Variants in TTC29 observed in about 807,000 individuals in gnomAD.
The protein encoded by TTC29 is tetratricopeptide repeat protein 29.
A neutral mutation model predicts 58.1 loss-of-function variants in TTC29; 49 were observed. The observed-to-expected ratio is 0.84, with a 90% CI of 0.67 to 1.07. The LOEUF is 1.07. Ranked by LOEUF, TTC29 falls within the 50% of genes least tolerant of loss-of-function variation. TTC29 has a pLI of 0.00. For synonymous variants in TTC29, 209 were observed against 196.8 expected (o/e 1.06, Z -0.52); for missense variants, 582 against 555.6 (o/e 1.05, Z -0.48).
intron 11 of TTC29, among the ~76,000 whole-genome samples, chr4:146,750,136 T>G (rs1349877445): frequency 6.6e-6 from 1 of 151,956 alleles, no homozygotes; most frequent in African/African-American, 2.4e-5. Context: ...GCCTCCTGAG[T>G]AGCTGGGACT....
chr4:146,921,976 T>A (rs1457304486), intron 4 of TTC29, among the ~76,000 whole-genome samples: 1 of 132,266 alleles, frequency 7.6e-6, no homozygotes, highest in Non-Finnish European at 1.6e-5. Context: ...TTACTAAGCA[T>A]GAGTAAAGAT....
rs1162258179 is a variant in TTC29 at position 146,833,835 on chromosome 4, G to A, written c.948C>T (p.Gly316=). Residue 316 remains glycine (G), a synonymous_variant, in exon 9 of 13, where the codon GGC becomes GGT. Transcript: ENST00000325106. ...DLDDDLSLGR[G]YEAIAKVLQS... is the part of the protein sequence containing the mutation. ...GCAGGACCTTGGCTATGGCTTCATA[G>A]CCTCTCCCCAGACTGAGATCATCAT... The A allele has an allele frequency of 6.2e-7, 1 of 1,613,148 alleles. No homozygotes were observed. Among genetic ancestry groups the A allele is most frequent in the African/African-American group, 1.3e-5 (1 of 74,896 alleles).
intron 7 of TTC29, among the ~76,000 whole-genome samples, chr4:146,868,738 C>T (rs1730729333): frequency 6.6e-6 from 1 of 151,994 alleles, no homozygotes; most frequent in African/African-American, 2.4e-5. Flanking sequence ...AGTGATCTAA[C>T]CTTAGTTTTT....
At chr4:146,745,880 A>G (rs1260622352) in intron 11 of TTC29, among the ~76,000 whole-genome samples, 1 of 152,238 alleles carries the variant, frequency 6.6e-6, no homozygotes, top group Non-Finnish European at 1.5e-5. Flanking sequence ...TGCTTTTAGT[A>G]CTGGCCTCTA....
At chr4:146,723,291 A>C (rs1743511835) in intron 11 of TTC29, among the ~76,000 whole-genome samples, 1 of 152,140 alleles carries the variant, frequency 6.6e-6, no homozygotes, top group Admixed American at 6.6e-5. Context: ...TAAGAATCCT[A>C]GAAGAAAACA....
chr4:146,867,139 A>G (rs1470960437), intron 8 of TTC29, among the ~76,000 whole-genome samples: 2 of 152,154 alleles, frequency 1.3e-5, no homozygotes, highest in African/African-American at 2.4e-5. Context: ...CCCAAATCAT[A>G]TTATAAAATG....
chr4:146,716,615 TGAG>T (rs1742947422), intron 11 of TTC29, among the ~76,000 whole-genome samples: 1 of 152,070 alleles, frequency 6.6e-6, no homozygotes, highest in East Asian at 1.9e-4. Context: ...TCGTAAAAAT[TGAG>T]TTTTCTAATG....
intron 11 of TTC29, among the ~76,000 whole-genome samples, chr4:146,746,040 T>C (rs1745519136): frequency 6.6e-6 from 1 of 152,198 alleles, no homozygotes; most frequent in Non-Finnish European, 1.5e-5. Context: ...GTTTACTCTG[T>C]CTAAACTCCC....
chr4:146,751,679 AC>A (rs1296730922), intron 11 of TTC29, among the ~76,000 whole-genome samples: 1 of 152,188 alleles, frequency 6.6e-6, no homozygotes, highest in Non-Finnish European at 1.5e-5. Flanking sequence ...GGATACCAAA[AC>A]GTATAGGATA....
rs6814060 is a variant in TTC29 at position 146,847,851 on chromosome 4, G to A, written c.886-13954C>T. ...TTTATCACGCAGCGTGTCTTCACTC[G>A]CATACCTGCTGTCAAACTGTGCAGC... is the stretch of plus-strand genomic sequence containing the variant. On this transcript the variant is annotated intron_variant, in intron 8 of 12. Transcript: ENST00000325106. 3.3e-3 allele frequency among the ~76,000 whole-genome samples: 496 copies of A among 152,262 alleles called. 4 individuals are homozygous for A. Among genetic ancestry groups the A allele is most frequent in the African/African-American group, 0.011 (473 of 41,546 alleles).
chr4:146,924,660 G>A (rs1734806527), intron 4 of TTC29, among the ~76,000 whole-genome samples: 1 of 151,444 alleles, frequency 6.6e-6, no homozygotes, highest in Non-Finnish European at 1.5e-5. Context: ...ACGAATGGTT[G>A]ATCAATTTTT....
At chr4:146,800,815 G>A (rs1428736729) in intron 11 of TTC29, among the ~76,000 whole-genome samples, 1 of 152,088 alleles carries the variant, frequency 6.6e-6, no homozygotes, top group East Asian at 1.9e-4. Flanking sequence ...CAAGAACAAG[G>A]GCCTGTTTTC....
chr4:146,788,328 C>G (rs1370070922), intron 11 of TTC29, among the ~76,000 whole-genome samples: 1 of 152,324 alleles, frequency 6.6e-6, no homozygotes, highest in Admixed American at 6.5e-5. Context: ...CTGTGACAGG[C>G]TTTGCTATAG....
chr4:146,864,816 T>C (rs1196274847), intron 8 of TTC29, among the ~76,000 whole-genome samples: 1 of 152,174 alleles, frequency 6.6e-6, no homozygotes, highest in African/African-American at 2.4e-5. Context: ...TTTGTCTTCA[T>C]ATTTAGAGCC....
At chr4:146,932,279 A>G (rs900305952) in intron 4 of TTC29, among the ~76,000 whole-genome samples, 2 of 152,144 alleles carry the variant, frequency 1.3e-5, no homozygotes, top group African/African-American at 4.8e-5. Context: ...TCTCCTGCCC[A>G]CCTATCTCTG....
At chr4:146,938,149 T>C (rs758814406) in intron 3 of TTC29, among the ~76,000 whole-genome samples, 4 of 152,186 alleles carry the variant, frequency 2.6e-5, no homozygotes, top group Non-Finnish European at 5.9e-5. Flanking sequence ...CACATAAAAC[T>C]CAAATTATTA....
rs774578449 is a variant in TTC29 at position 146,820,120 on chromosome 4, C to T, written c.1101+5G>A. 2 of 1,612,240 alleles carry T rather than the reference C, an allele frequency of 1.2e-6. No individual in the cohort carries two copies. The highest frequency in any genetic ancestry group is 4.5e-5 in the East Asian group (2 of 44,862). On this transcript the variant is annotated splice_donor_5th_base_variant and intron_variant, in intron 10 of 12. Coordinates refer to ENST00000325106, the MANE Select transcript of TTC29 (RefSeq NM_031956.4). ...TCTCTATAAACAAGAAACACATAGA[C>T]TCACTTTTTCATTGTAGATGTCCCC... is the stretch of plus-strand genomic sequence containing the variant.
At chr4:146,938,752 G>A (rs1736081930) in intron 3 of TTC29, among the ~76,000 whole-genome samples, 1 of 152,020 alleles carries the variant, frequency 6.6e-6, no homozygotes, top group East Asian at 1.9e-4. Context: ...CTAAAAATGA[G>A]GCATGAGAAC....
intron 11 of TTC29, among the ~76,000 whole-genome samples, chr4:146,771,543 G>C (rs1339414758): frequency 6.6e-6 from 1 of 152,018 alleles, no homozygotes; most frequent in African/African-American, 2.4e-5. Flanking sequence ...AGTTCACTTA[G>C]GATAATGGCC....
Sources: gnomAD v4.1 joint callset for allele counts (sites outside exome capture counted in the v4.1 genomes callset) on GRCh38, gnomAD v4.1.1 for gene constraint, MANE v1.5 for transcripts, NCBI Gene and HGNC (gene_info 2026-07-23, HGNC 2026-07-21) for gene names.